Variants in NFIA observed in about 807,000 individuals in gnomAD.
The protein encoded by NFIA is nuclear factor I A.
A neutral mutation model predicts 62.8 loss-of-function variants in NFIA; 8 were observed. The ratio of observed to expected loss-of-function variants is 0.13; its 90% CI spans 0.07 to 0.23. The LOEUF (loss-of-function observed/expected upper bound fraction) is 0.23, where lower values mean the gene tolerates loss of function less well. Among genes scored for constraint, NFIA ranks in the 10% least tolerant of loss-of-function variants. The probability of loss-of-function intolerance (pLI) is 1.00; values close to 1 mark genes in which losing one functional copy is unlikely to be tolerated. For synonymous variants in NFIA, 235 were observed against 238.1 expected (o/e 0.99, Z 0.12); for missense variants, 410 against 642.1 (o/e 0.64, Z 3.91).
intron 2 of NFIA, among the ~76,000 whole-genome samples, chr1:61,237,750 A>G (rs951276157): frequency 6.6e-6 from 1 of 152,070 alleles, no homozygotes; most frequent in African/African-American, 2.4e-5. Flanking sequence ...ACCTTGATTT[A>G]CCCTTACCAC....
At chr1:61,262,614 C>G (rs977192555) in intron 2 of NFIA, among the ~76,000 whole-genome samples, 2 of 152,118 alleles carry the variant, frequency 1.3e-5, no homozygotes, top group African/African-American at 4.8e-5. Flanking sequence ...GAGATGCTTT[C>G]CTTTCTATAG....
At chr1:61,186,560 T>C (rs747837198) in intron 2 of NFIA, among the ~76,000 whole-genome samples, 2 of 152,182 alleles carry the variant, frequency 1.3e-5, no homozygotes, top group Non-Finnish European at 2.9e-5. Flanking sequence ...TGCCAAGACC[T>C]CTCACATTAT....
intron 2 of NFIA, among the ~76,000 whole-genome samples, chr1:61,171,441 A>AT (rs1050256584): frequency 1.3e-5 from 2 of 152,232 alleles, no homozygotes; most frequent in African/African-American, 4.8e-5. Flanking sequence ...AATCAAGTAA[A>AT]TGTGGTGACA....
At chr1:61,448,469 A>G (rs1569907369) in intron 10 of NFIA, among the ~76,000 whole-genome samples, 1 of 152,164 alleles carries the variant, frequency 6.6e-6, no homozygotes, top group East Asian at 1.9e-4. Context: ...AGGCCCCAGA[A>G]ACCGTTCACA....
intron 2 of NFIA, among the ~76,000 whole-genome samples, chr1:61,238,518 T>C (rs1006145260): frequency 1.3e-5 from 2 of 152,336 alleles, no homozygotes; most frequent in African/African-American, 4.8e-5. Context: ...TCTGAGGTTA[T>C]GTTGCAAGTC....
intron 10 of NFIA, among the ~76,000 whole-genome samples, chr1:61,433,967 G>A (rs1667218520): frequency 6.6e-6 from 1 of 152,162 alleles, no homozygotes; most frequent in Admixed American, 6.5e-5. Context: ...AGCAAATTAG[G>A]AAGCCTCCTA....
At chr1:61,423,311 G>A (rs1489374365) in intron 9 of NFIA, among the ~76,000 whole-genome samples, 2 of 150,820 alleles carry the variant, frequency 1.3e-5, no homozygotes, top group African/African-American at 4.9e-5. Context: ...ATTTCTAATA[G>A]TCATGTTTGC....
chr1:61,099,107 A>G (rs1178906010), intron 2 of NFIA, among the ~76,000 whole-genome samples: 4 of 152,244 alleles, frequency 2.6e-5, no homozygotes, highest in Admixed American at 2.0e-4. Context: ...TTTAAACTAC[A>G]GTAACTCTGA....
At chr1:61,291,263 G>A (rs144692591) in intron 3 of NFIA, among the ~76,000 whole-genome samples, 1 of 152,306 alleles carries the variant, frequency 6.6e-6, no homozygotes, top group East Asian at 1.9e-4. Context: ...AGTTCTATCT[G>A]AGCAGAATTG....
At chr1:61,382,015 C>A (rs1296006033) in intron 6 of NFIA, among the ~76,000 whole-genome samples, 4 of 152,130 alleles carry the variant, frequency 2.6e-5, no homozygotes, top group African/African-American at 7.2e-5. Flanking sequence ...CCAAATAATT[C>A]TCTGGTCATG....
intron 2 of NFIA, among the ~76,000 whole-genome samples, chr1:61,258,727 G>GT (rs1472348710): frequency 3.4e-4 from 52 of 150,988 alleles, no homozygotes; most frequent in African/African-American, 1.2e-3. Context: ...TAGGAAATGT[G>GT]GTTTTTTTTT....
At chr1:61,341,165 A>G (rs994524973) in intron 4 of NFIA, among the ~76,000 whole-genome samples, 5 of 145,916 alleles carry the variant, frequency 3.4e-5, no homozygotes, top group Non-Finnish European at 7.4e-5. Flanking sequence ...CCGGGTTCAC[A>G]CCATTCTCCT....
At chr1:61,286,383 G>A (rs911080806) in intron 3 of NFIA, among the ~76,000 whole-genome samples, 3 of 149,586 alleles carry the variant, frequency 2.0e-5, no homozygotes, top group African/African-American at 7.4e-5. Flanking sequence ...AGCAGAGATT[G>A]CGCCACTGCA....
chr1:61,358,426 G>A (rs529525632), intron 5 of NFIA, among the ~76,000 whole-genome samples: 9 of 107,892 alleles, frequency 8.3e-5, no homozygotes, highest in South Asian at 3.1e-4. Flanking sequence ...TTGCTCTGTC[G>A]CCCAGGGTTG....
At chr1:61,294,633 G>T (rs1011943473) in intron 3 of NFIA, among the ~76,000 whole-genome samples, 8 of 152,210 alleles carry the variant, frequency 5.3e-5, no homozygotes, top group Non-Finnish European at 1.2e-4. Flanking sequence ...AGTGGATTGC[G>T]AACTCCATGA....
At chr1:61,183,108 T>C (rs554436687) in intron 2 of NFIA, among the ~76,000 whole-genome samples, 59 of 152,356 alleles carry the variant, frequency 3.9e-4, no homozygotes, top group Admixed American at 7.8e-4. Context: ...AGTGTATATT[T>C]TGGTTCTTGG....
At chr1:61,158,560 T>G (rs1056070980) in intron 2 of NFIA, among the ~76,000 whole-genome samples, 3 of 152,204 alleles carry the variant, frequency 2.0e-5, no homozygotes, top group African/African-American at 7.2e-5. Flanking sequence ...TTAATCAGCT[T>G]TTCATAAGTG....
chr1:61,328,884 G>A (rs926261511), intron 3 of NFIA, among the ~76,000 whole-genome samples: 3 of 149,774 alleles, frequency 2.0e-5, no homozygotes, highest in Admixed American at 6.7e-5. Flanking sequence ...CACTACAGCC[G>A]GCTAATTTTT....
chr1:61,393,522 T>A (rs1000369649), intron 7 of NFIA, among the ~76,000 whole-genome samples: 8 of 151,890 alleles, frequency 5.3e-5, no homozygotes, highest in Admixed American at 5.2e-4. Context: ...TGCATGCTTA[T>A]GATTCTGATT....
Sources: gnomAD v4.1 joint callset for allele counts (sites outside exome capture counted in the v4.1 genomes callset) on GRCh38, gnomAD v4.1.1 for gene constraint, MANE v1.5 for transcripts, NCBI Gene and HGNC (gene_info 2026-07-23, HGNC 2026-07-21) for gene names.